Variants in TMED3 observed in about 807,000 individuals in gnomAD.
TMED3 encodes the protein transmembrane p24 trafficking protein 3, also known as transmembrane emp24 domain-containing protein 3.
A neutral mutation model predicts 15.0 loss-of-function variants in TMED3; 9 were observed. That is an observed-to-expected ratio of 0.60 (90% CI 0.36 to 1.04). TMED3 has a LOEUF of 1.04. Among genes scored for constraint, TMED3 ranks in the 50% least tolerant of loss-of-function variants. TMED3 has a pLI of 0.01. For synonymous variants in TMED3, 117 were observed against 121.4 expected (o/e 0.96, Z 0.24); for missense variants, 267 against 278.9 (o/e 0.96, Z 0.30).
At chr15:79,412,896 A>G (rs574252145) in exon 3 of TMED3, 1 of 152,352 alleles carries the variant, frequency 6.6e-6, no homozygotes, top group Admixed American at 6.5e-5. Context: ...CCAGAGAACG[A>G]AGTTGGGCCT....
At chr15:79,325,943 T>C (rs1595889200), downstream of TMED3, among the ~76,000 whole-genome samples, 1 of 152,094 alleles carries the variant, frequency 6.6e-6, no homozygotes, top group Non-Finnish European at 1.5e-5. Context: ...ACATTGAGGG[T>C]AGGTGGGTCA....
At chr15:79,393,012 C>T (rs1376223558) in intron 2 of TMED3, among the ~76,000 whole-genome samples, 1 of 152,206 alleles carries the variant, frequency 6.6e-6, no homozygotes, top group Non-Finnish European at 1.5e-5. Flanking sequence ...AATTTTCTCC[C>T]TTCTCTCTTA....
At chr15:79,410,105 A>G (rs1893953975) in intron 2 of TMED3, among the ~76,000 whole-genome samples, 1 of 152,174 alleles carries the variant, frequency 6.6e-6, no homozygotes, top group Admixed American at 6.5e-5. Context: ...TAAGTAAATA[A>G]TTGTTTAAAA....
chr15:79,331,542 C>CA (rs71451761), intron 2 of TMED3, among the ~76,000 whole-genome samples: 975 of 89,170 alleles, frequency 0.011, 24 homozygotes, highest in Admixed American at 0.054. Flanking sequence ...GCAAAAGAAG[C>CA]AAAAAAAAAA....
chr15:79,360,449 G>C (rs1037902221), intron 2 of TMED3, among the ~76,000 whole-genome samples: 2 of 152,202 alleles, frequency 1.3e-5, no homozygotes, highest in Non-Finnish European at 2.9e-5. Flanking sequence ...TGACGCATAA[G>C]AAAGACTTGT....
intron 2 of TMED3, among the ~76,000 whole-genome samples, chr15:79,353,763 T>TA (rs11414218): frequency 0.094 from 14,224 of 151,924 alleles, 714 homozygotes; most frequent in Admixed American, 0.12. Context: ...ATTGTGTTAT[T>TA]AAAAAAAACC....
intron 2 of TMED3, among the ~76,000 whole-genome samples, chr15:79,350,194 A>C (rs1213953618): frequency 6.6e-6 from 1 of 152,170 alleles, no homozygotes; most frequent in Non-Finnish European, 1.5e-5. Flanking sequence ...AGATAAATGG[A>C]TGAATAGCTG....
chr15:79,394,861 A>T (rs1377728130), intron 2 of TMED3, among the ~76,000 whole-genome samples: 3 of 152,192 alleles, frequency 2.0e-5, no homozygotes, highest in Non-Finnish European at 4.4e-5. Flanking sequence ...AGTACCTAAC[A>T]CTAGTACCCT....
chr15:79,360,611 G>A (rs530467038), intron 2 of TMED3, among the ~76,000 whole-genome samples: 8 of 152,184 alleles, frequency 5.3e-5, no homozygotes, highest in African/African-American at 9.6e-5. Flanking sequence ...TTTACATATC[G>A]TTAGACCGCG....
At chr15:79,402,461 G>A (rs911308723) in intron 2 of TMED3, among the ~76,000 whole-genome samples, 25 of 152,174 alleles carry the variant, frequency 1.6e-4, no homozygotes, top group African/African-American at 6.0e-4. Flanking sequence ...AAAGCTGATT[G>A]TCCTAGCACT....
At chr15:79,373,863 C>A (rs1171983351) in intron 2 of TMED3, among the ~76,000 whole-genome samples, 1 of 152,128 alleles carries the variant, frequency 6.6e-6, no homozygotes, top group Non-Finnish European at 1.5e-5. Flanking sequence ...TCAAAGATGT[C>A]CCGATTGGCA....
chr15:79,409,210 CTT>C (rs1428899711), intron 2 of TMED3, among the ~76,000 whole-genome samples: 2 of 152,204 alleles, frequency 1.3e-5, no homozygotes, highest in African/African-American at 4.8e-5. Flanking sequence ...CAGAGAGAGA[CTT>C]TTCTTGATGA....
intron 1 of TMED3, 134 bp downstream of exon 1, chr15:79,311,551 G>A: frequency 1.8e-6 from 2 of 1,119,226 alleles, no homozygotes; most frequent in South Asian, 1.7e-5. Flanking sequence ...GGGAGTCCCC[G>A]GAGACCAGTT....
intron 2 of TMED3, among the ~76,000 whole-genome samples, chr15:79,386,509 C>T (rs61286861): frequency 0.033 from 5,062 of 152,090 alleles, 270 homozygotes; most frequent in African/African-American, 0.11. Flanking sequence ...GCTTTTCATT[C>T]TCTAAAAGGG....
chr15:79,357,681 G>A (rs1480480764), intron 2 of TMED3, among the ~76,000 whole-genome samples: 2 of 151,832 alleles, frequency 1.3e-5, no homozygotes, highest in Non-Finnish European at 2.9e-5. Flanking sequence ...GGGAGCTGGC[G>A]GCCCTCCGCT....
intron 2 of TMED3, among the ~76,000 whole-genome samples, chr15:79,405,264 G>A (rs985530002): frequency 1.3e-5 from 2 of 152,172 alleles, no homozygotes; most frequent in Admixed American, 1.3e-4. Context: ...GGTCTGAGCT[G>A]AAACTCCCCT....
At chr15:79,385,708 T>G (rs1336629698) in intron 2 of TMED3, among the ~76,000 whole-genome samples, 1 of 152,104 alleles carries the variant, frequency 6.6e-6, no homozygotes, top group Non-Finnish European at 1.5e-5. Context: ...AGCCACAGTT[T>G]GGGCAGGGGT....
intron 2 of TMED3, chr15:79,383,325 A>G: frequency 2.8e-6 from 1 of 354,746 alleles, no homozygotes; most frequent in Non-Finnish European, 5.2e-6. Flanking sequence ...CCTTAGATGG[A>G]GAAAAGAAAT....
chr15:79,406,240 G>A (rs760958356), intron 2 of TMED3, among the ~76,000 whole-genome samples: 2 of 152,204 alleles, frequency 1.3e-5, no homozygotes, highest in Non-Finnish European at 2.9e-5. Context: ...CCGGGGTGAG[G>A]GGCTGTTTCT....
Sources: allele counts gnomAD v4.1 joint callset (sites outside exome capture counted in the v4.1 genomes callset), GRCh38; gene constraint gnomAD v4.1.1; transcripts MANE v1.5; gene names NCBI Gene and HGNC (gene_info 2026-07-23, HGNC 2026-07-21).